PLRG1: variants seen among roughly 807,000 people sequenced by gnomAD.
PLRG1 encodes pleiotropic regulator 1, also known as pleiotropic regulator 1 (PRL1 homolog, Arabidopsis).
PLRG1 carries 28 observed loss-of-function variants against 74.9 expected under a neutral mutation model. The observed-to-expected ratio is 0.37, with a 90% CI of 0.28 to 0.51. The LOEUF (loss-of-function observed/expected upper bound fraction) is 0.51, where lower values mean the gene tolerates loss of function less well. Ranked by LOEUF, PLRG1 falls within the 20% of genes least tolerant of loss-of-function variation. PLRG1 has a pLI of 0.91. For synonymous variants in PLRG1, 197 were observed against 212.4 expected, an observed-to-expected ratio of 0.93 and a Z score of 0.63; for missense variants, 445 against 631.9, an observed-to-expected ratio of 0.70 and a Z score of 3.17.
intron 1 of PLRG1, chr4:154,549,646 A>G (rs767054467): frequency 2.6e-5 from 12 of 456,072 alleles, no homozygotes; most frequent in African/African-American, 2.4e-4. Context: ...TTAAACAAGA[A>G]AGGTATGAAC....
At chr4:154,547,961 T>C (rs1303954112) in intron 2 of PLRG1, 108 bp from the exon 3 acceptor site, 1 of 789,790 alleles carries the variant, frequency 1.3e-6, no homozygotes, top group South Asian at 2.1e-5. Flanking sequence ...TGATTTTAAG[T>C]AGTATTTAAA....
In PLRG1 at chr4:154,547,041, C is replaced by T. The variant is rs369842958; in HGVS notation, c.283G>A (p.Ala95Thr). ...CCTGGTGGGTATGGATGTGTACCTG[C>T]CACAAAGTATTCAACTTCTTGTCCT... ...NQGQEVEYFV[A>T]GTHPYPPGPG... The change falls in exon 4 of 15, where the codon GCA (alanine) becomes ACA (threonine). Residue 95 changes from alanine to threonine, a missense_variant. Ala to Thr is a moderately conservative substitution (Grantham distance 58, BLOSUM62 0). This residue lies in a region of PLRG1 where 206 missense variants were observed against 210.8 expected (regional missense o/e 0.98). Transcript: ENST00000499023. The T allele has an allele frequency of 1.3e-5, 21 of 1,612,140 alleles. No homozygotes were observed. Among genetic ancestry groups the T allele is most frequent in the Non-Finnish European group, 1.7e-5 (20 of 1,178,484 alleles).
chr4:154,543,209 G>A (rs1412682354), intron 7 of PLRG1, among the ~76,000 whole-genome samples: 1 of 152,038 alleles, frequency 6.6e-6, no homozygotes, highest in Admixed American at 6.5e-5. Flanking sequence ...GTGCAGTGGC[G>A]TGATCTTGGC....
intron 8 of PLRG1, among the ~76,000 whole-genome samples, chr4:154,541,807 T>C (rs936729480): frequency 1.3e-5 from 2 of 152,142 alleles, no homozygotes; most frequent in African/African-American, 4.8e-5. Flanking sequence ...CAGAAATAAA[T>C]ACTAAAACGA....
intron 1 of PLRG1, chr4:154,549,696 G>A: frequency 2.2e-6 from 1 of 456,340 alleles, no homozygotes; most frequent in Non-Finnish European, 4.4e-6. Flanking sequence ...GAACAAAATG[G>A]AAGCAAGGAA....
intron 7 of PLRG1, 65 bp from the exon 8 acceptor site, chr4:154,542,344 C>T (rs1729569415): frequency 2.1e-6 from 2 of 954,808 alleles, no homozygotes; most frequent in Admixed American, 3.6e-5. Context: ...AGTTTAACTG[C>T]AGCCCGAGTT....
At chr4:154,538,571 G>A (rs1042900486) in intron 12 of PLRG1, among the ~76,000 whole-genome samples, 12 of 151,760 alleles carry the variant, frequency 7.9e-5, no homozygotes, top group African/African-American at 2.9e-4. Flanking sequence ...AGGGGGAAAA[G>A]GGTATGGAGA....
chr4:154,538,293 AT>A (rs1422641890), intron 12 of PLRG1, among the ~76,000 whole-genome samples, 185 bp from the exon 13 acceptor site: 1 of 152,130 alleles, frequency 6.6e-6, no homozygotes, highest in Non-Finnish European at 1.5e-5. Context: ...AGACCTTCAC[AT>A]TTTTAACAGT....
At chr4:154,541,999 T>TAAAG in intron 8 of PLRG1, 188 bp downstream of exon 8, 1 of 549,386 alleles carries the variant, frequency 1.8e-6, no homozygotes, top group South Asian at 2.7e-5. Context: ...AAAAGTGGTT[T>TAAAG]AAATAGCACT....
chr4:154,540,538 G>A (rs1488850578), intron 10 of PLRG1, 56 bp downstream of exon 10: 2 of 1,160,364 alleles, frequency 1.7e-6, no homozygotes, highest in African/African-American at 1.5e-5. Context: ...AACCGAAAGT[G>A]CACCCTACAA....
rs747666170 is a variant in PLRG1, at chr4:154,540,574, C to G, written c.939+20G>C. On this transcript the variant is annotated intron_variant, in intron 10 of 14. Coordinates refer to ENST00000499023, the MANE Select transcript of PLRG1 (RefSeq NM_002669.4). ...GATGCAATATATTTACAGATAAATACACAACTCTATCCCATTTACCCGTGC... is the reference window on the plus strand; with the variant it reads ...GATGCAATATATTTACAGATAAATAGACAACTCTATCCCATTTACCCGTGC... 15 of 1,503,454 alleles carry G rather than the reference C, an allele frequency of 1.0e-5. No individual in the cohort carries two copies. The highest frequency in any genetic ancestry group is 1.4e-5 in the Non-Finnish European group (15 of 1,079,304). The allele number at this position is 1,503,454 out of a possible 1,614,324, so 93.1% of individuals were successfully genotyped here.
rs544083190 is a variant in PLRG1, at chr4:154,542,800, G to A, written c.595-521C>T. Among the ~76,000 whole-genome samples the A allele has an allele frequency of 4.3e-5, 6 of 138,336 alleles. No homozygotes were observed. The East Asian group carries it at 6.0e-4, about 14-fold the overall frequency. The allele number at this position is 138,336 out of a possible 152,430, so 90.8% of individuals were successfully genotyped here. Reference sequence around the variant, plus strand: ...CCAGGCACAGAAAAACAAATATTGCGTGCTCTCTCTCATATACGGGAGCTA... The same window carrying A: ...CCAGGCACAGAAAAACAAATATTGCATGCTCTCTCTCATATACGGGAGCTA... On this transcript the variant is annotated intron_variant, in intron 7 of 14. Transcript: ENST00000499023.
At position 154,536,629 on chromosome 4, in the gene PLRG1, C is replaced by CT. The variant is rs760345462; in HGVS notation, c.*55dup. On this transcript the variant is annotated 3_prime_UTR_variant, in exon 15 of 15. Transcript: ENST00000499023. ...ACTGGATATCCTCATGAACGCCAAG[C>CT]TTTTTTTTTTTTAATTAAAAAGAAA... 8.5e-3 allele frequency: 6,760 copies of CT among 795,846 alleles called. No homozygotes were observed. The highest frequency in any genetic ancestry group is 9.7e-3 in the Non-Finnish European group (4,907 of 506,970). The allele number at this position is 795,846 out of a possible 1,614,324, so 49.3% of individuals were successfully genotyped here.
chr4:154,549,866 G>A (rs1192285390), intron 1 of PLRG1: 4 of 430,026 alleles, frequency 9.3e-6, no homozygotes, highest in Non-Finnish European at 9.2e-6. Context: ...TCATGCCAGG[G>A]AAAGATGTAA....
intron 7 of PLRG1, 130 bp downstream of exon 7, chr4:154,544,315 C>T (rs1291133364): frequency 1.6e-6 from 1 of 624,646 alleles, no homozygotes; most frequent in East Asian, 2.8e-5. Flanking sequence ...TACGACTCTT[C>T]TCAATCCACC....
intron 7 of PLRG1, among the ~76,000 whole-genome samples, chr4:154,543,015 C>T (rs1052835164): frequency 1.3e-5 from 2 of 151,996 alleles, no homozygotes; most frequent in Admixed American, 1.3e-4. Context: ...CTTGGTAGCA[C>T]AATAGAGTGA....
intron 4 of PLRG1, chr4:154,546,671 G>A (rs1729661669): frequency 8.6e-6 from 3 of 350,440 alleles, no homozygotes; most frequent in East Asian, 1.2e-4. Flanking sequence ...ACAGACAGAG[G>A]ACATGTTTCT....
At position 154,544,566 on chromosome 4, in the gene PLRG1, T is replaced by C. The variant is rs776576460; in HGVS notation, c.493-20A>G. ...GACAATCTAGACATAGAAGAGACATTATTATTATTAAAGACATCATACCTA... is the reference window on the plus strand; with the variant it reads ...GACAATCTAGACATAGAAGAGACATCATTATTATTAAAGACATCATACCTA... On this transcript the variant is annotated intron_variant, in intron 6 of 14. Coordinates refer to ENST00000499023, the MANE Select transcript of PLRG1 (RefSeq NM_002669.4). 12 of 1,346,134 alleles carry C rather than the reference T, an allele frequency of 8.9e-6. No homozygotes were observed. In the Admixed American group the frequency reaches 1.5e-4, roughly 17 times the overall value. The allele number at this position is 1,346,134 out of a possible 1,614,324, so 83.4% of individuals were successfully genotyped here.
intron 11 of PLRG1, 119 bp from the exon 12 acceptor site, chr4:154,539,332 C>T (rs140016701): frequency 5.9e-4 from 382 of 642,162 alleles, no homozygotes; most frequent in Non-Finnish European, 9.5e-4. Flanking sequence ...TCATATCACA[C>T]GCAAATTAGT....
Sources: allele counts gnomAD v4.1 joint callset (sites outside exome capture counted in the v4.1 genomes callset), GRCh38; gene constraint gnomAD v4.1.1; regional missense constraint gnomAD v4.1.1; transcripts MANE v1.5; gene names NCBI Gene and HGNC (gene_info 2026-07-23, HGNC 2026-07-21).